MTA3: variants seen among roughly 807,000 people sequenced by gnomAD.
The protein encoded by MTA3 is metastasis-associated protein MTA3.
In MTA3, 34 loss-of-function variants were observed where a neutral mutation model predicts 83.5. That is an observed-to-expected ratio of 0.41 (90% CI 0.31 to 0.54). The LOEUF (loss-of-function observed/expected upper bound fraction) is 0.54, where lower values mean the gene tolerates loss of function less well. Among genes scored for constraint, MTA3 ranks in the 20% least tolerant of loss-of-function variants. The pLI, the probability that MTA3 is intolerant of heterozygous loss-of-function variation, is 0.33. For missense variants in MTA3, 761 were observed against 726.4 expected (o/e 1.05, Z -0.55); for synonymous variants, 303 against 252.7 (o/e 1.20, Z -1.89).
At chr2:42,691,418 A>G (rs1692889044) in intron 9 of MTA3, among the ~76,000 whole-genome samples, 1 of 152,188 alleles carries the variant, frequency 6.6e-6, no homozygotes, top group East Asian at 1.9e-4. Flanking sequence ...AGAAAACTGC[A>G]TTTTAACTTC....
At chr2:42,594,758 A>T in intron 3 of MTA3, among the ~76,000 whole-genome samples, 1 of 33,762 alleles carries the variant, frequency 3.0e-5, no homozygotes, top group Admixed American at 4.8e-4. Context: ...ACAGAGTCTC[A>T]CTCTGTTGCC....
At chr2:42,589,326 A>G (rs1680697794) in intron 3 of MTA3, among the ~76,000 whole-genome samples, 1 of 152,170 alleles carries the variant, frequency 6.6e-6, no homozygotes, top group African/African-American at 2.4e-5. Flanking sequence ...GCAAATTTTA[A>G]TATAATTATA....
chr2:42,750,949 G>C (rs1312520799), intron 16 of MTA3, among the ~76,000 whole-genome samples: 1 of 152,184 alleles, frequency 6.6e-6, no homozygotes, highest in Non-Finnish European at 1.5e-5. Flanking sequence ...GAGGTACCTG[G>C]TGTCATTTCA....
In MTA3 at chr2:42,640,810, C is replaced by T. The variant is rs147736328; in HGVS notation, c.381+574C>T. Among the ~76,000 whole-genome samples the T allele has an allele frequency of 2.6e-3, 394 of 152,248 alleles. 1 individual carries two copies. The highest frequency in any genetic ancestry group is 9.0e-3 in the African/African-American group (373 of 41,550). ...TTTTAGGTGACATTTAAAGCAACAT[C>T]ATTTGTATGGTGGGAAACATATTTT... On this transcript the variant is annotated intron_variant, in intron 5 of 16. Transcript: ENST00000405094.
At chr2:42,560,396 C>G (rs879661056) in intron 2 of MTA3, among the ~76,000 whole-genome samples, 1 of 151,630 alleles carries the variant, frequency 6.6e-6, no homozygotes, top group Non-Finnish European at 1.5e-5. Context: ...ATAATCTCAG[C>G]ACTCTGGGAG....
intron 6 of MTA3, among the ~76,000 whole-genome samples, chr2:42,649,909 G>T (rs1019051654): frequency 3.9e-5 from 6 of 152,174 alleles, no homozygotes; most frequent in African/African-American, 1.4e-4. Context: ...AAGATCAGCG[G>T]ACCTTTATGC....
At chr2:42,599,200 T>G (rs1682233839) in intron 3 of MTA3, among the ~76,000 whole-genome samples, 1 of 152,154 alleles carries the variant, frequency 6.6e-6, no homozygotes, top group South Asian at 2.1e-4. Context: ...CTTCTATGAG[T>G]CTTTAAAGCT....
Position 42,722,932 on chromosome 2 carries a change from A to G in MTA3, c.1656A>G (p.Pro552=). Residue 552 remains proline (P), a synonymous_variant, in exon 16 of 17, where the codon CCA becomes CCG. Coordinates refer to ENST00000405094, the MANE Select transcript of MTA3 (RefSeq NM_001330442.2). The part of the protein sequence containing the change: ...AKKPNVIRST[P]SLQTPTTKRM... ...AACCTAATGTAATTCGATCTACACC[A>G]AGCCTGCAAACCCCAACTACCAAGC... 1 of 1,551,222 alleles carries G rather than the reference A, an allele frequency of 6.4e-7. No homozygotes were observed. The highest frequency in any genetic ancestry group is 8.7e-7 in the Non-Finnish European group (1 of 1,147,130).
chr2:42,719,435 T>A (rs551929622), intron 15 of MTA3, among the ~76,000 whole-genome samples: 2 of 152,266 alleles, frequency 1.3e-5, no homozygotes, highest in African/African-American at 2.4e-5. Flanking sequence ...TCCCTGTTTC[T>A]AACTCACCTC....
intron 2 of MTA3, among the ~76,000 whole-genome samples, chr2:42,524,649 T>C (rs1303724226): frequency 6.6e-6 from 1 of 151,646 alleles, no homozygotes; most frequent in Admixed American, 6.6e-5. Context: ...TTGGGGGAAG[T>C]GCAAGACCAT....
In MTA3 at chr2:42,669,155, G is replaced by A. The variant is rs570307220; in HGVS notation, c.702+9293G>A. On this transcript the variant is annotated intron_variant, in intron 8 of 16. Coordinates refer to ENST00000405094, the MANE Select transcript of MTA3 (RefSeq NM_001330442.2). ...GCTGGAGTGCAGTGGTTAGTTCTTGGCTCACTGCAACCTCCACCTTCTGGG... is the reference window on the plus strand; with the variant it reads ...GCTGGAGTGCAGTGGTTAGTTCTTGACTCACTGCAACCTCCACCTTCTGGG... Among the ~76,000 whole-genome samples the A allele has an allele frequency of 3.9e-3, 593 of 150,600 alleles. 2 individuals are homozygous for A. The highest frequency in any genetic ancestry group is 5.5e-3 in the Non-Finnish European group (372 of 67,846).
intron 4 of MTA3, among the ~76,000 whole-genome samples, chr2:42,611,489 C>T (rs1417558319): frequency 1.3e-5 from 2 of 151,928 alleles, no homozygotes; most frequent in African/African-American, 4.8e-5. Flanking sequence ...TAATGTGAGC[C>T]CTCACCCCCA....
At chr2:42,578,045 C>T (rs1679240693) in intron 2 of MTA3, among the ~76,000 whole-genome samples, 1 of 152,144 alleles carries the variant, frequency 6.6e-6, no homozygotes, top group Non-Finnish European at 1.5e-5. Flanking sequence ...TTAAGGGGCA[C>T]TGTTTCCACA....
chr2:42,624,420 C>T (rs373198419), intron 4 of MTA3, among the ~76,000 whole-genome samples: 2 of 152,062 alleles, frequency 1.3e-5, no homozygotes, highest in South Asian at 4.1e-4. Flanking sequence ...CTCCTGGGTT[C>T]AAGCAGTTCT....
At chr2:42,719,422 C>T (rs1387808260) in intron 15 of MTA3, among the ~76,000 whole-genome samples, 1 of 152,070 alleles carries the variant, frequency 6.6e-6, no homozygotes, top group Non-Finnish European at 1.5e-5. Flanking sequence ...TCTTCAGATC[C>T]CTTCCCTGTT....
At chr2:42,697,915 G>A in intron 11 of MTA3, 81 bp downstream of exon 11, 1 of 1,049,054 alleles carries the variant, frequency 9.5e-7, no homozygotes, top group Non-Finnish European at 1.4e-6. Flanking sequence ...TTCAGTTTCA[G>A]CAAAATTTGA....
intron 8 of MTA3, among the ~76,000 whole-genome samples, chr2:42,667,613 G>T (rs868051317): frequency 5.4e-5 from 1 of 18,374 alleles, no homozygotes. Flanking sequence ...TGTGTGTATA[G>T]AGAGAGAAAG....
intron 14 of MTA3, among the ~76,000 whole-genome samples, chr2:42,713,731 A>G (rs1240162396): frequency 6.6e-6 from 1 of 152,168 alleles, no homozygotes; most frequent in African/African-American, 2.4e-5. Flanking sequence ...TTTTTACTTA[A>G]CATACCGTGC....
chr2:42,515,841 ATTT>A (rs35541351), intron 2 of MTA3, among the ~76,000 whole-genome samples: 2 of 132,598 alleles, frequency 1.5e-5, no homozygotes, highest in Non-Finnish European at 1.6e-5. Context: ...TATTTTATGT[ATTT>A]TTTTTTTTTT....
Sources: allele counts gnomAD v4.1 joint callset (sites outside exome capture counted in the v4.1 genomes callset), GRCh38; gene constraint gnomAD v4.1.1; transcripts MANE v1.5; gene names NCBI Gene and HGNC (gene_info 2026-07-23, HGNC 2026-07-21).